The following ATP6V0E1 variants were observed in gnomAD, a reference collection of about 807,000 sequenced individuals.
The protein encoded by ATP6V0E1 is ATPase H+ transporting V0 subunit e1, also known as V-type proton ATPase subunit e 1.
ATP6V0E1 carries 4 observed loss-of-function variants against 11.6 expected under a neutral mutation model. The ratio of observed to expected loss-of-function variants is 0.35; its 90% CI spans 0.17 to 0.79. The LOEUF (loss-of-function observed/expected upper bound fraction) is 0.79, where lower values mean the gene tolerates loss of function less well. Ranked by LOEUF, ATP6V0E1 falls within the 30% of genes least tolerant of loss-of-function variation. The pLI, the probability that ATP6V0E1 is intolerant of heterozygous loss-of-function variation, is 0.54. For missense variants in ATP6V0E1, 105 were observed against 100.0 expected (o/e 1.05, Z -0.21); for synonymous variants, 36 against 34.8 (o/e 1.04, Z -0.13).
intron 2 of ATP6V0E1, among the ~76,000 whole-genome samples, chr5:173,013,511 C>T (rs969951115): frequency 2.1e-5 from 3 of 143,306 alleles, no homozygotes; most frequent in African/African-American, 7.8e-5. Flanking sequence ...GCAGGCGGAG[C>T]TTGCAGTGAG....
intron 2 of ATP6V0E1, among the ~76,000 whole-genome samples, chr5:173,007,234 C>G (rs1044165282): frequency 2.0e-5 from 3 of 152,254 alleles, no homozygotes; most frequent in Non-Finnish European, 4.4e-5. Flanking sequence ...CTCGGCCTCC[C>G]AAAATGCTGG....
intron 2 of ATP6V0E1, among the ~76,000 whole-genome samples, chr5:173,017,936 T>C (rs556215867): frequency 1.3e-5 from 2 of 151,688 alleles, no homozygotes; most frequent in South Asian, 4.2e-4. Flanking sequence ...CAAATTTCAC[T>C]CTCCCAGATT....
At chr5:173,013,467 C>T (rs559036919) in intron 2 of ATP6V0E1, among the ~76,000 whole-genome samples, 89 of 151,428 alleles carry the variant, frequency 5.9e-4, no homozygotes, top group Admixed American at 2.0e-3. Context: ...CCCAGCTACT[C>T]CGGAGGCTGA....
Position 173,012,020 on chromosome 5 carries a change from A to G in ATP6V0E1, c.153-8218A>G, listed in dbSNP as rs1447061147. Among the ~76,000 whole-genome samples, 5 of 151,136 alleles carry G rather than the reference A, an allele frequency of 3.3e-5. No homozygotes were observed. The South Asian group carries it at 1.0e-3, about 32-fold the overall frequency. ...TCTGAAATTTCAAATAAACCAGACT[A>G]GACTGTTTCCTAGGTAAATTTTTTT... is the stretch of plus-strand genomic sequence containing the variant. On this transcript the variant is annotated intron_variant, in intron 2 of 3. Coordinates refer to ENST00000519374, the MANE Select transcript of ATP6V0E1 (RefSeq NM_003945.4).
At chr5:172,988,089 TG>T (rs1218954196) in intron 1 of ATP6V0E1, among the ~76,000 whole-genome samples, 2 of 152,230 alleles carry the variant, frequency 1.3e-5, no homozygotes, top group Admixed American at 1.3e-4. Context: ...AACTTTTTTT[TG>T]TTAAAAACTA....
rs144205110 is a variant in ATP6V0E1, at chr5:172,999,928, G to A, written c.152+5106G>A. Among the ~76,000 whole-genome samples, 208 of 152,256 alleles carry A rather than the reference G, an allele frequency of 1.4e-3. 1 individual carries two copies. The highest frequency in any genetic ancestry group is 4.8e-3 in the African/African-American group (199 of 41,554). On this transcript the variant is annotated intron_variant, in intron 2 of 3. Transcript: ENST00000519374. ...TTAGCATGATATCTGAGTGAAAAAT[G>A]TGGACGGAATTCAAACCCCAAATAT...
In ATP6V0E1 at chr5:173,007,792, C is replaced by T. The variant is rs865942230; in HGVS notation, c.153-12446C>T. ...TAGCAAAGGAGTTTGTTGGTTTGGC[C>T]AGACCAGGGTTTGCCTGGAGTTTCT... On this transcript the variant is annotated intron_variant, in intron 2 of 3. Coordinates refer to ENST00000519374, the MANE Select transcript of ATP6V0E1 (RefSeq NM_003945.4). Among the ~76,000 whole-genome samples the T allele has an allele frequency of 2.6e-4, 40 of 152,252 alleles. No homozygotes were observed. The Middle Eastern group carries it at 0.014, about 52-fold the overall frequency.
At chr5:172,995,555 T>A (rs1431793912) in intron 2 of ATP6V0E1, among the ~76,000 whole-genome samples, 1 of 152,216 alleles carries the variant, frequency 6.6e-6, no homozygotes, top group African/African-American at 2.4e-5. Flanking sequence ...TTTTTAACAA[T>A]TCATTGTAAG....
rs761978584 is a variant in ATP6V0E1 at position 173,020,270 on chromosome 5, C to A, written c.185C>A (p.Pro62His). 9 of 1,613,884 alleles carry A rather than the reference C, an allele frequency of 5.6e-6. No homozygotes were observed. In the East Asian group the frequency reaches 1.8e-4, roughly 32 times the overall value. ...WLIAILAQLN[P>H]LFGPQLKNET... ...ATTGCAATTCTGGCCCAACTCAACC[C>A]TCTCTTTGGACCGCAATTGAAAAAT... Residue 62 changes from proline to histidine, a missense_variant, in exon 3 of 4, where the codon CCT becomes CAT. Physicochemically the swap from Pro to His is moderately conservative, Grantham distance 77. Transcript: ENST00000519374.
At chr5:172,999,127 T>A (rs1756115557) in intron 2 of ATP6V0E1, among the ~76,000 whole-genome samples, 1 of 151,740 alleles carries the variant, frequency 6.6e-6, no homozygotes, top group Non-Finnish European at 1.5e-5. Context: ...CAAGTCTCCA[T>A]CTCAGGAGGG....
intron 2 of ATP6V0E1, among the ~76,000 whole-genome samples, chr5:173,018,846 G>A (rs1482330190): frequency 6.6e-6 from 1 of 152,126 alleles, no homozygotes; most frequent in African/African-American, 2.4e-5. Context: ...TCTGAGCTAA[G>A]TGATTCTCAA....
At position 172,983,853 on chromosome 5, in the gene ATP6V0E1, C is replaced by G. The variant is rs1305803255; in HGVS notation, c.-8C>G. On this transcript the variant is annotated 5_prime_UTR_variant, in exon 1 of 4. Coordinates refer to ENST00000519374, the MANE Select transcript of ATP6V0E1 (RefSeq NM_003945.4). ...GACGGGGTAGGGGTTGGCGCTCAGG[C>G]GGCGACCATGGCGTATCACGGCCTC... The G allele has an allele frequency of 1.2e-6, 2 of 1,613,228 alleles. No homozygotes were observed. Among genetic ancestry groups the G allele is most frequent in the East Asian group, 4.5e-5 (2 of 44,860 alleles).
intron 3 of ATP6V0E1, 98 bp downstream of exon 3, chr5:173,020,465 G>A (rs1756462268): frequency 8.7e-6 from 6 of 691,716 alleles, no homozygotes; most frequent in East Asian, 8.1e-5. Context: ...CACGTGGCAA[G>A]GGCAAGCTGC....
Position 172,988,699 on chromosome 5 carries a change from G to GT in ATP6V0E1, c.104+4744dup, listed in dbSNP as rs1163742880. 1.8e-4 allele frequency among the ~76,000 whole-genome samples: 27 copies of GT among 151,352 alleles called. 1 individual carries two copies. The highest frequency in any genetic ancestry group is 3.4e-3 in the Middle Eastern group (1 of 290). Reference sequence around the variant, plus strand: ...GTGCTTCACACTATGGTGAGTTGGGGTTTTTTTTTGAGACAGTCTTCCTCT... The same window carrying GT: ...GTGCTTCACACTATGGTGAGTTGGGGTTTTTTTTTTGAGACAGTCTTCCTCT... On this transcript the variant is annotated intron_variant, in intron 1 of 3. Coordinates refer to ENST00000519374, the MANE Select transcript of ATP6V0E1 (RefSeq NM_003945.4).
intron 2 of ATP6V0E1, among the ~76,000 whole-genome samples, chr5:173,011,063 C>T (rs1756312225): frequency 6.6e-6 from 1 of 152,100 alleles, no homozygotes; most frequent in Non-Finnish European, 1.5e-5. Flanking sequence ...CTCATGAGTC[C>T]CTTTGGGTTG....
chr5:173,029,839 G>GA (rs1756622939), intron 3 of ATP6V0E1, among the ~76,000 whole-genome samples: 1 of 152,138 alleles, frequency 6.6e-6, no homozygotes, highest in Non-Finnish European at 1.5e-5. Context: ...GTCATGTCCA[G>GA]CTCTGACTTG....
intron 3 of ATP6V0E1, among the ~76,000 whole-genome samples, chr5:173,021,176 G>A (rs1191171503): frequency 6.6e-6 from 1 of 152,060 alleles, no homozygotes. Flanking sequence ...AAGAGAGAGA[G>A]AAGGAGGTGC....
At chr5:172,990,861 T>A (rs1415196371) in intron 1 of ATP6V0E1, among the ~76,000 whole-genome samples, 5 of 151,440 alleles carry the variant, frequency 3.3e-5, no homozygotes, top group Admixed American at 3.3e-4. Context: ...ACAGATGGGA[T>A]CTCGCTCTGT....
At chr5:173,032,855 G>A (rs1209145757) in intron 3 of ATP6V0E1, among the ~76,000 whole-genome samples, 1 of 152,092 alleles carries the variant, frequency 6.6e-6, no homozygotes, top group African/African-American at 2.4e-5. Flanking sequence ...CCAGAACTTT[G>A]GGAAGCCAAG....
Sources: gnomAD v4.1 joint callset for allele counts (sites outside exome capture counted in the v4.1 genomes callset) on GRCh38, gnomAD v4.1.1 for gene constraint, MANE v1.5 for transcripts, NCBI Gene and HGNC (gene_info 2026-07-23, HGNC 2026-07-21) for gene names.